Variants in DOCK2 observed in about 807,000 individuals in gnomAD.
DOCK2 encodes the protein dedicator of cytokinesis protein 2.
A neutral mutation model predicts 248.9 loss-of-function variants in DOCK2; 87 were observed. That is an observed-to-expected ratio of 0.35 (90% CI 0.29 to 0.42). The LOEUF is 0.42. Ranked by LOEUF, DOCK2 falls within the 10% of genes least tolerant of loss-of-function variation. The pLI, the probability that DOCK2 is intolerant of heterozygous loss-of-function variation, is 1.00. For missense variants in DOCK2, 1,747 were observed against 2,300.2 expected, an observed-to-expected ratio of 0.76 and a Z score of 4.92; for synonymous variants, 805 against 821.6, an observed-to-expected ratio of 0.98 and a Z score of 0.35.
intron 27 of DOCK2, among the ~76,000 whole-genome samples, chr5:169,912,152 A>G (rs957443093): frequency 6.6e-6 from 1 of 152,162 alleles, no homozygotes; most frequent in Non-Finnish European, 1.5e-5. Flanking sequence ...GAAAGCGACT[A>G]TTATTTTTTC....
At chr5:170,061,803 A>G (rs1301286493) in intron 44 of DOCK2, among the ~76,000 whole-genome samples, 1 of 152,186 alleles carries the variant, frequency 6.6e-6, no homozygotes, top group Non-Finnish European at 1.5e-5. Context: ...ATGGCAGTCT[A>G]TTGTTCAAAT....
intron 22 of DOCK2, among the ~76,000 whole-genome samples, chr5:169,746,332 A>G (rs1463914975): frequency 6.6e-6 from 1 of 152,096 alleles, no homozygotes; most frequent in African/African-American, 2.4e-5. Context: ...GAGGGGAAGG[A>G]TGGGGATTTT....
chr5:169,772,949 C>T (rs1444966596), intron 25 of DOCK2: 1 of 152,198 alleles, frequency 6.6e-6, no homozygotes, highest in African/African-American at 2.4e-5. Context: ...TTCATTTCTT[C>T]AAGAAAGTAC....
intron 27 of DOCK2, among the ~76,000 whole-genome samples, chr5:169,935,630 T>G (rs1446056129): frequency 6.6e-6 from 1 of 152,124 alleles, no homozygotes; most frequent in Non-Finnish European, 1.5e-5. Flanking sequence ...GAAATGAAGG[T>G]CTTCATAGTG....
intron 26 of DOCK2, among the ~76,000 whole-genome samples, chr5:169,815,752 C>T (rs2113208298): frequency 6.6e-6 from 1 of 152,258 alleles, no homozygotes; most frequent in Non-Finnish European, 1.5e-5. Flanking sequence ...TTGTATCACT[C>T]CTTCCCCCTA....
chr5:169,880,775 A>T (rs1165305676), intron 27 of DOCK2, among the ~76,000 whole-genome samples: 3 of 152,182 alleles, frequency 2.0e-5, no homozygotes, highest in Admixed American at 6.5e-5. Flanking sequence ...TAAAACACAG[A>T]TCTTTGACTC....
intron 29 of DOCK2, among the ~76,000 whole-genome samples, chr5:169,993,721 A>G (rs1008045211): frequency 1.8e-4 from 28 of 152,288 alleles, no homozygotes; most frequent in African/African-American, 6.5e-4. Context: ...ACCACCCAAA[A>G]TCCACTGGCA....
intron 27 of DOCK2, among the ~76,000 whole-genome samples, chr5:169,943,414 C>T (rs1776320414): frequency 6.6e-6 from 1 of 151,922 alleles, no homozygotes; most frequent in Non-Finnish European, 1.5e-5. Context: ...GGAATATGGC[C>T]CAGACTTTTA....
intron 27 of DOCK2, among the ~76,000 whole-genome samples, chr5:169,964,580 T>A (rs553955867): frequency 2.0e-4 from 31 of 152,196 alleles, no homozygotes; most frequent in Non-Finnish European, 4.3e-4. Context: ...CTTTTCTCAG[T>A]GCCCAGAGAA....
chr5:169,685,346 G>A (rs183308451), intron 8 of DOCK2, among the ~76,000 whole-genome samples: 27 of 152,322 alleles, frequency 1.8e-4, no homozygotes, highest in Non-Finnish European at 8.8e-5. Context: ...CCAGGGAAGA[G>A]ACTTTGCTGC....
intron 27 of DOCK2, among the ~76,000 whole-genome samples, chr5:169,957,224 T>C (rs1318440727): frequency 6.6e-6 from 1 of 152,238 alleles, no homozygotes; most frequent in African/African-American, 2.4e-5. Flanking sequence ...TTAATTAAAA[T>C]GGACACATCA....
At chr5:169,855,678 G>T (rs1770851932) in intron 27 of DOCK2, among the ~76,000 whole-genome samples, 1 of 152,218 alleles carries the variant, frequency 6.6e-6, no homozygotes, top group African/African-American at 2.4e-5. Flanking sequence ...AAGAGACCAA[G>T]GATCCCAATG....
chr5:169,713,549 G>GAA (rs375847780), intron 17 of DOCK2, among the ~76,000 whole-genome samples: 5 of 147,438 alleles, frequency 3.4e-5, no homozygotes, highest in African/African-American at 1.2e-4. Flanking sequence ...GTTTACTAAT[G>GAA]AAAAAAAAAA....
At chr5:169,920,650 C>G (rs2113649729) in intron 27 of DOCK2, among the ~76,000 whole-genome samples, 1 of 152,304 alleles carries the variant, frequency 6.6e-6, no homozygotes, top group Non-Finnish European at 1.5e-5. Context: ...GGTGATAGCT[C>G]AGCCCCAGTG....
chr5:169,866,166 A>G (rs1158165249), intron 27 of DOCK2, among the ~76,000 whole-genome samples: 1 of 152,062 alleles, frequency 6.6e-6, no homozygotes, highest in Non-Finnish European at 1.5e-5. Flanking sequence ...AGGGTATCTG[A>G]TTGTTTTGTT....
intron 25 of DOCK2, among the ~76,000 whole-genome samples, chr5:169,766,811 A>G (rs2113757484): frequency 6.6e-6 from 1 of 152,288 alleles, no homozygotes; most frequent in East Asian, 1.9e-4. Flanking sequence ...CTTGTCACCC[A>G]GGCTGGAGTG....
At chr5:169,718,836 C>T (rs1017103200) in intron 22 of DOCK2, 45 bp downstream of exon 22, 1 of 1,582,194 alleles carries the variant, frequency 6.3e-7, no homozygotes, top group African/African-American at 1.3e-5. Flanking sequence ...TCTGCAATTC[C>T]TCTGGGATAC....
At chr5:169,719,657 G>A (rs968102994) in intron 22 of DOCK2, among the ~76,000 whole-genome samples, 1 of 152,156 alleles carries the variant, frequency 6.6e-6, no homozygotes, top group Admixed American at 6.5e-5. Context: ...TTTGTTGATT[G>A]TCTTATAAGG....
intron 27 of DOCK2, among the ~76,000 whole-genome samples, chr5:169,932,023 C>T (rs1775780077): frequency 6.6e-6 from 1 of 152,198 alleles, no homozygotes; most frequent in Admixed American, 6.5e-5. Context: ...CAACAGAGTC[C>T]TGACCTCATG....
Sources: allele counts gnomAD v4.1 joint callset (sites outside exome capture counted in the v4.1 genomes callset), GRCh38; gene constraint gnomAD v4.1.1; transcripts MANE v1.5; gene names NCBI Gene and HGNC (gene_info 2026-07-23, HGNC 2026-07-21).